Variants in IMMP2L observed in about 807,000 individuals in gnomAD.
IMMP2L encodes inner mitochondrial membrane peptidase subunit 2.
Under a neutral mutation model 19.3 loss-of-function variants are expected in IMMP2L, and 18 were observed. That is an observed-to-expected ratio of 0.93 (90% CI 0.64 to 1.38). The LOEUF (loss-of-function observed/expected upper bound fraction) is 1.38, where lower values mean the gene tolerates loss of function less well. IMMP2L is among the 40% of genes most tolerant of loss of function. The pLI is 0.00. For synonymous variants in IMMP2L, 76 were observed against 73.0 expected, an observed-to-expected ratio of 1.04 and a Z score of -0.21; for missense variants, 233 against 218.2, an observed-to-expected ratio of 1.07 and a Z score of -0.43.
chr7:110,973,504 G>A (rs1004380617), intron 3 of IMMP2L, among the ~76,000 whole-genome samples: 1 of 152,048 alleles, frequency 6.6e-6, no homozygotes, highest in Admixed American at 6.6e-5. Flanking sequence ...ATTGAGGCAT[G>A]TGTTTTTCAT....
chr7:111,227,010 T>C (rs1266663214), intron 3 of IMMP2L, among the ~76,000 whole-genome samples: 3 of 151,844 alleles, frequency 2.0e-5, no homozygotes. Flanking sequence ...CCTGATGAAA[T>C]AGGAGGAAAC....
At chr7:111,153,489 A>G (rs1804298945) in intron 3 of IMMP2L, among the ~76,000 whole-genome samples, 1 of 152,074 alleles carries the variant, frequency 6.6e-6, no homozygotes, top group Admixed American at 6.6e-5. Flanking sequence ...TTTACAATAT[A>G]AACTAAACTG....
At chr7:111,397,087 CA>C (rs551171894) in intron 3 of IMMP2L, among the ~76,000 whole-genome samples, 55 of 135,608 alleles carry the variant, frequency 4.1e-4, no homozygotes, top group Middle Eastern at 3.8e-3. Context: ...GACTCTATCT[CA>C]AAAAAAAAAA....
At chr7:110,811,810 C>T (rs928700367) in intron 5 of IMMP2L, among the ~76,000 whole-genome samples, 37 of 152,092 alleles carry the variant, frequency 2.4e-4, no homozygotes, top group African/African-American at 8.7e-4. Context: ...CCACCCTTCC[C>T]TAGTTGTTAG....
At chr7:111,041,325 A>G (rs1256134993) in intron 3 of IMMP2L, among the ~76,000 whole-genome samples, 1 of 152,140 alleles carries the variant, frequency 6.6e-6, no homozygotes, top group East Asian at 1.9e-4. Context: ...CAAAATGAGT[A>G]AAAATATGTG....
chr7:110,949,437 T>A (rs1817569145), intron 4 of IMMP2L, among the ~76,000 whole-genome samples: 2 of 152,222 alleles, frequency 1.3e-5, no homozygotes, highest in African/African-American at 4.8e-5. Flanking sequence ...TTTAAACTGT[T>A]GGCCAAGACT....
intron 5 of IMMP2L, among the ~76,000 whole-genome samples, chr7:110,689,581 T>C (rs552838962): frequency 6.6e-6 from 1 of 152,290 alleles, no homozygotes; most frequent in South Asian, 2.1e-4. Flanking sequence ...GTTACCTCTT[T>C]TTACTGTAGG....
intron 5 of IMMP2L, among the ~76,000 whole-genome samples, chr7:110,735,837 A>G (rs1263134317): frequency 1.1e-5 from 1 of 92,992 alleles, no homozygotes; most frequent in Admixed American, 1.6e-4. Context: ...ACAGAGTCTC[A>G]CTCTGCCTCA....
intron 3 of IMMP2L, among the ~76,000 whole-genome samples, chr7:111,327,175 A>G (rs551898940): frequency 1.3e-5 from 2 of 151,820 alleles, no homozygotes; most frequent in Non-Finnish European, 2.9e-5. Context: ...TATATGAAGT[A>G]TCTAAAATAG....
chr7:110,897,632 A>G (rs1289996351), intron 4 of IMMP2L, among the ~76,000 whole-genome samples: 1 of 152,192 alleles, frequency 6.6e-6, no homozygotes, highest in Non-Finnish European at 1.5e-5. Context: ...ACACAGGTAC[A>G]ATAATGTTTT....
chr7:110,946,718 C>CTTTT (rs754971058), intron 4 of IMMP2L, among the ~76,000 whole-genome samples: 3,647 of 114,074 alleles, frequency 0.032, 158 homozygotes, highest in African/African-American at 0.058. Flanking sequence ...CATTTAATAC[C>CTTTT]TTTTTTTTTT....
intron 3 of IMMP2L, among the ~76,000 whole-genome samples, chr7:111,189,288 G>C (rs904065724): frequency 2.0e-5 from 3 of 151,664 alleles, no homozygotes; most frequent in African/African-American, 7.3e-5. Flanking sequence ...CTTTGCCTTT[G>C]TGGTGTCAGA....
intron 3 of IMMP2L, among the ~76,000 whole-genome samples, chr7:111,121,521 C>T (rs1486238346): frequency 6.6e-6 from 1 of 152,098 alleles, no homozygotes; most frequent in Non-Finnish European, 1.5e-5. Context: ...AAATCAAAAC[C>T]ACAATGAGAT....
chr7:110,964,125 C>G (rs759238191), intron 3 of IMMP2L, among the ~76,000 whole-genome samples: 1 of 151,982 alleles, frequency 6.6e-6, no homozygotes, highest in Non-Finnish European at 1.5e-5. Flanking sequence ...CCTTCTGCTA[C>G]GATTGCAAGT....
At chr7:110,798,845 T>C (rs904770773) in intron 5 of IMMP2L, among the ~76,000 whole-genome samples, 6 of 152,062 alleles carry the variant, frequency 3.9e-5, no homozygotes, top group African/African-American at 1.4e-4. Flanking sequence ...GAAATTTACA[T>C]ATAGAAACAT....
intron 3 of IMMP2L, among the ~76,000 whole-genome samples, chr7:111,193,616 G>A (rs966996505): frequency 9.2e-5 from 14 of 152,134 alleles, no homozygotes; most frequent in East Asian, 3.9e-4. Context: ...ATAGTCCTCC[G>A]AATGGGAAAT....
At chr7:111,221,910 C>A (rs1812560448) in intron 3 of IMMP2L, among the ~76,000 whole-genome samples, 1 of 151,818 alleles carries the variant, frequency 6.6e-6, no homozygotes, top group South Asian at 2.1e-4. Context: ...ACTAAAACGA[C>A]AGAACAAAGA....
At chr7:111,187,483 A>G (rs978891639) in intron 3 of IMMP2L, among the ~76,000 whole-genome samples, 1 of 152,186 alleles carries the variant, frequency 6.6e-6, no homozygotes, top group Admixed American at 6.5e-5. Flanking sequence ...CAAACATAGT[A>G]TTGTAACGAG....
intron 3 of IMMP2L, among the ~76,000 whole-genome samples, chr7:111,034,175 G>A (rs1791110967): frequency 6.6e-6 from 1 of 152,008 alleles, no homozygotes. Context: ...AAAATGAGGA[G>A]GGGGAATGCA....
Sources: allele counts gnomAD v4.1 joint callset (sites outside exome capture counted in the v4.1 genomes callset), GRCh38; gene constraint gnomAD v4.1.1; transcripts MANE v1.5; gene names NCBI Gene and HGNC (gene_info 2026-07-23, HGNC 2026-07-21).